Variants in TMEM214 observed in about 807,000 individuals in gnomAD.
The protein encoded by TMEM214 is transmembrane protein 214.
TMEM214 carries 71 observed loss-of-function variants against 89.8 expected under a neutral mutation model. The ratio of observed to expected loss-of-function variants is 0.79; its 90% CI spans 0.65 to 0.96. The LOEUF (loss-of-function observed/expected upper bound fraction) is 0.96, where lower values mean the gene tolerates loss of function less well. TMEM214 is among the 40% of genes least tolerant of loss of function. TMEM214 has a pLI of 0.00. For missense variants in TMEM214, 754 were observed against 843.4 expected, an observed-to-expected ratio of 0.89 and a Z score of 1.31; for synonymous variants, 332 against 349.5, an observed-to-expected ratio of 0.95 and a Z score of 0.56.
rs745424051 is a variant in TMEM214 at position 27,035,670 on chromosome 2, G to C, written c.579G>C (p.Leu193=). 1.2e-6 allele frequency: 2 copies of C among 1,614,190 alleles called. No homozygotes were observed. Among genetic ancestry groups the C allele is most frequent in the Non-Finnish European group, 1.7e-6 (2 of 1,180,030 alleles). Residue 193 remains leucine, a synonymous_variant, in exon 4 of 17, where the codon CTG becomes CTC. Transcript: ENST00000238788. ...TGCTGGCGAAGGCAGCAGGGTCTCT[G>C]GAGCTCTTTTTTGACCACTGTCTGT... ...RGLLAKAAGS[L]ELFFDHCLFT... is the part of the protein sequence containing the mutation.
At chr2:27,039,695 C>G in intron 13 of TMEM214, 46 bp from the exon 14 acceptor site, 6 of 1,531,044 alleles carry the variant, frequency 3.9e-6, no homozygotes, top group Non-Finnish European at 5.4e-6. Flanking sequence ...CTCCCCAGTC[C>G]CTGCCCCTCT....
chr2:27,036,785 C>T lies in TMEM214; in HGVS notation c.907C>T (p.Leu303=), dbSNP rs1357716866. ...CATCACATACCTGGATCGGCTGCTC[C>T]TGTGAGTAATGGGAGGGCAGCAAGG... ...FAITYLDRLL[L]MHPNLTKGFG... Residue 303 remains leucine (L), a splice_region_variant and synonymous_variant, in exon 7 of 17, where the codon CTG becomes TTG. Transcript: ENST00000238788. The T allele has an allele frequency of 1.2e-6, 2 of 1,613,900 alleles. No homozygotes were observed. Among genetic ancestry groups the T allele is most frequent in the East Asian group, 4.5e-5 (2 of 44,892 alleles).
chr2:27,039,734 T>C lies in TMEM214; in HGVS notation c.1526-7T>C. The C allele has an allele frequency of 1.2e-6, 2 of 1,613,934 alleles. No individual in the cohort carries two copies. Among genetic ancestry groups the C allele is most frequent in the Non-Finnish European group, 1.7e-6 (2 of 1,179,792 alleles). On this transcript the variant is annotated splice_polypyrimidine_tract_variant and splice_region_variant and intron_variant, in intron 13 of 16. Transcript: ENST00000238788. ...CTCCCAGCTCACCAGAGGCCCCCTTTACTTAGCCTCCCTTACTGGCCGGTT... is the reference window on the plus strand; with the variant it reads ...CTCCCAGCTCACCAGAGGCCCCCTTCACTTAGCCTCCCTTACTGGCCGGTT...
chr2:27,036,424 C>A lies in TMEM214; in HGVS notation c.721-63C>A, dbSNP rs1275156827. The A allele has an allele frequency of 6.5e-6, 9 of 1,376,586 alleles. No individual in the cohort carries two copies. In the African/African-American group the frequency reaches 7.1e-5, roughly 11 times the overall value. 85.3% of individuals were successfully genotyped at this position (1,376,586 alleles called of 1,614,324 possible). ...AGTTGACATCTCCCTTCCCTCCTGG[C>A]TTTGGGGGGTGCTCCTGGTGTTTTG... is the stretch of plus-strand genomic sequence containing the variant. On this transcript the variant is annotated intron_variant, in intron 5 of 16. Coordinates refer to ENST00000238788, the MANE Select transcript of TMEM214 (RefSeq NM_017727.5).
chr2:27,037,052 C>T lies in TMEM214; in HGVS notation c.909-25C>T, dbSNP rs772785649. ...AGCTGGCATGGGTGGTGGTGTCCAG[C>T]GAGCCTGTTTCTTCATCCCCACAGG... On this transcript the variant is annotated intron_variant, in intron 7 of 16. Coordinates refer to ENST00000238788, the MANE Select transcript of TMEM214 (RefSeq NM_017727.5). The T allele has an allele frequency of 1.3e-5, 21 of 1,600,402 alleles. No homozygotes were observed. In the South Asian group the frequency reaches 1.8e-4, roughly 13 times the overall value.
intron 3 of TMEM214, 145 bp from the exon 4 acceptor site, chr2:27,035,449 T>G (rs994826451): frequency 3.5e-6 from 5 of 1,416,260 alleles, no homozygotes; most frequent in Non-Finnish European, 4.8e-6. Context: ...TCTGTGATCC[T>G]CCCTCTGGGC....
intron 3 of TMEM214, 91 bp from the exon 4 acceptor site, chr2:27,035,503 C>T: frequency 6.4e-7 from 1 of 1,560,324 alleles, no homozygotes; most frequent in Non-Finnish European, 8.7e-7. Context: ...GGGCCTTTGC[C>T]TCCACTCACC....
intron 14 of TMEM214, 47 bp downstream of exon 14, chr2:27,039,884 C>G: frequency 6.6e-7 from 1 of 1,517,340 alleles, no homozygotes; most frequent in Non-Finnish European, 8.8e-7. Flanking sequence ...AGAGAGAAGG[C>G]CTGGGTGTCA....
chr2:27,033,611 T>G (rs796450374), intron 1 of TMEM214, among the ~76,000 whole-genome samples: 6 of 151,324 alleles, frequency 4.0e-5, no homozygotes, highest in African/African-American at 1.5e-4. Context: ...CGCCACACAC[T>G]CAACACTCAC....
Position 27,038,909 on chromosome 2 carries a change from T to C in TMEM214, c.1407+94T>C. On this transcript the variant is annotated intron_variant, in intron 12 of 16. Coordinates refer to ENST00000238788, the MANE Select transcript of TMEM214 (RefSeq NM_017727.5). The surrounding 1 kb of genome is among the most constrained non-coding windows in gnomAD (Gnocchi z 4.4). ...GCCTGTATCACATTCCTGCCCCACC[T>C]GTCTGGAGCCCCCCGCTGCCTCCAG... 7.1e-7 allele frequency: 1 copy of C among 1,413,420 alleles called. No individual in the cohort carries two copies. Among genetic ancestry groups the C allele is most frequent in the Non-Finnish European group, 1.0e-6 (1 of 1,004,820 alleles). The allele number at this position is 1,413,420 out of a possible 1,614,324, so 87.6% of individuals were successfully genotyped here.
intron 13 of TMEM214, 116 bp from the exon 14 acceptor site, chr2:27,039,625 G>A (rs1170641780): frequency 1.1e-6 from 1 of 915,136 alleles, no homozygotes; most frequent in Non-Finnish European, 1.8e-6. Context: ...GTGGCCCTGT[G>A]AGAACACAAA....
chr2:27,034,574 AT>A, intron 2 of TMEM214: 1 of 271,212 alleles, frequency 3.7e-6, no homozygotes, highest in Non-Finnish European at 6.8e-6. Flanking sequence ...CTGATCTTTC[AT>A]TTTCTGTCTT....
chr2:27,041,037 A>G lies in TMEM214; in HGVS notation c.*200A>G. On this transcript the variant is annotated 3_prime_UTR_variant, in exon 17 of 17. Transcript: ENST00000238788. ...GCAGCATCTCAGCCTCCTACCCACAATTCCACTGAACACTTTTCTGGCCCT... is the reference window on the plus strand; with the variant it reads ...GCAGCATCTCAGCCTCCTACCCACAGTTCCACTGAACACTTTTCTGGCCCT... 1 of 618,390 alleles carries G rather than the reference A, an allele frequency of 1.6e-6. No individual in the cohort carries two copies. Among genetic ancestry groups the G allele is most frequent in the Non-Finnish European group, 2.8e-6 (1 of 360,644 alleles). The allele number at this position is 618,390 out of a possible 1,614,324, so 38.3% of individuals were successfully genotyped here.
chr2:27,038,406 A>T lies in TMEM214; in HGVS notation c.1245-78A>T. ...GGTGGAGGGTCTTTCAGCCTGAAGG[A>T]GCCAGGGCTAATGGAGGACAGGAGG... On this transcript the variant is annotated intron_variant, in intron 10 of 16. Transcript: ENST00000238788. The surrounding 1 kb of genome is among the most constrained non-coding windows in gnomAD (Gnocchi z 4.4). 1 of 1,591,496 alleles carries T rather than the reference A, an allele frequency of 6.3e-7. No homozygotes were observed. Among genetic ancestry groups the T allele is most frequent in the Non-Finnish European group, 8.6e-7 (1 of 1,161,148 alleles).
Position 27,036,795 on chromosome 2 carries a change from T to TG in TMEM214, c.908+12dup, listed in dbSNP as rs762470122. On this transcript the variant is annotated intron_variant, in intron 7 of 16. Transcript: ENST00000238788. ...CTGGATCGGCTGCTCCTGTGAGTAA[T>TG]GGGAGGGCAGCAAGGGGAAGGCTCA... 2 of 1,613,816 alleles carry TG rather than the reference T, an allele frequency of 1.2e-6. No homozygotes were observed.
intron 16 of TMEM214, 57 bp from the exon 17 acceptor site, chr2:27,040,654 C>T (rs370094571): frequency 1.5e-5 from 24 of 1,602,078 alleles, no homozygotes; most frequent in Middle Eastern, 1.6e-4. Flanking sequence ...CTTTCATCCC[C>T]GAAAGTTGAC....
chr2:27,035,710 G>A lies in TMEM214; in HGVS notation c.619G>A (p.Glu207Lys), dbSNP rs376483610. ...CCACTGTCTGTTCACCATGTTGCAA[G>A]AGCTGGATAAGACACCAGGTGAAAG... is the stretch of plus-strand genomic sequence containing the variant. Reference protein sequence around the residue: ...FDHCLFTMLQELDKTPGESLH... With the variant: ...FDHCLFTMLQKLDKTPGESLH... Residue 207 changes from glutamate (E) to lysine (K), a missense_variant, in exon 4 of 17, where the codon GAG (glutamate) becomes AAG (lysine). Transcript: ENST00000238788. 6.2e-6 allele frequency: 10 copies of A among 1,614,224 alleles called. No homozygotes were observed. Among genetic ancestry groups the A allele is most frequent in the African/African-American group, 1.3e-5 (1 of 75,058 alleles).
At chr2:27,037,451 C>T in intron 8 of TMEM214, 110 bp from the exon 9 acceptor site, 1 of 1,362,584 alleles carries the variant, frequency 7.3e-7, no homozygotes. Context: ...TTGCAAGGTC[C>T]TCAGTGGCTA....
At chr2:27,034,814 C>G (rs1330686246) in intron 2 of TMEM214, among the ~76,000 whole-genome samples, 1 of 151,692 alleles carries the variant, frequency 6.6e-6, no homozygotes, top group African/African-American at 2.4e-5. Flanking sequence ...GAACTCCTGA[C>G]CTCAGGTGAT....
Sources: gnomAD v4.1 joint callset for allele counts (sites outside exome capture counted in the v4.1 genomes callset) on GRCh38, gnomAD v4.1.1 for gene constraint, Gnocchi (gnomAD v3.1) non-coding constraint, MANE v1.5 for transcripts, NCBI Gene and HGNC (gene_info 2026-07-23, HGNC 2026-07-21) for gene names.